FAM110B: variants seen among roughly 807,000 people sequenced by gnomAD.
The protein encoded by FAM110B is protein FAM110B.
A neutral mutation model predicts 20.4 loss-of-function variants in FAM110B; 6 were observed. The ratio of observed to expected loss-of-function variants is 0.29; its 90% confidence interval spans 0.16 to 0.58. FAM110B has a LOEUF of 0.58. Among genes scored for constraint, FAM110B ranks in the 20% least tolerant of loss-of-function variants. The pLI is 0.90. For synonymous variants in FAM110B, 226 were observed against 214.1 expected (o/e 1.06, Z -0.49); for missense variants, 434 against 498.2 (o/e 0.87, Z 1.23).
At chr8:58,083,734 G>A (rs1806263385) in intron 3 of FAM110B, among the ~76,000 whole-genome samples, 1 of 152,186 alleles carries the variant, frequency 6.6e-6, no homozygotes, top group African/African-American at 2.4e-5. Context: ...ATCATTTGCT[G>A]TTCCATTAAA....
chr8:58,113,460 T>G (rs963035316), intron 3 of FAM110B: 1 of 191,850 alleles, frequency 5.2e-6, no homozygotes, highest in Non-Finnish European at 1.1e-5. Context: ...CAGCCTGAAC[T>G]TCATCATCCT....
chr8:58,019,356 A>G (rs1032035491), intron 1 of FAM110B, among the ~76,000 whole-genome samples: 3 of 114,588 alleles, frequency 2.6e-5, no homozygotes, highest in African/African-American at 4.3e-5. Flanking sequence ...AAAAAAAAAA[A>G]AAAAGGAAAG....
chr8:58,008,628 G>T (rs1271199502), intron 1 of FAM110B, among the ~76,000 whole-genome samples: 1 of 152,184 alleles, frequency 6.6e-6, no homozygotes, highest in Non-Finnish European at 1.5e-5. Flanking sequence ...TTGAAAGTGT[G>T]TAATAAATTA....
At chr8:58,140,035 T>C (rs1360828356) in intron 3 of FAM110B, among the ~76,000 whole-genome samples, 1 of 152,164 alleles carries the variant, frequency 6.6e-6, no homozygotes, top group Non-Finnish European at 1.5e-5. Flanking sequence ...GCAGCAGGAA[T>C]GGACACAGTG....
intron 3 of FAM110B, among the ~76,000 whole-genome samples, chr8:58,145,455 CAA>C (rs994101793): frequency 1.3e-5 from 2 of 152,016 alleles, no homozygotes; most frequent in African/African-American, 4.8e-5. Context: ...TGCTTCATTG[CAA>C]AAGAGATAAT....
intron 2 of FAM110B, among the ~76,000 whole-genome samples, chr8:58,069,207 T>C (rs1304670507): frequency 6.6e-6 from 1 of 152,164 alleles, no homozygotes; most frequent in Non-Finnish European, 1.5e-5. Context: ...CTCTCTTGAG[T>C]GCTGTGATGC....
At chr8:58,143,689 G>C (rs1803792251) in intron 3 of FAM110B, among the ~76,000 whole-genome samples, 1 of 152,186 alleles carries the variant, frequency 6.6e-6, no homozygotes, top group Admixed American at 6.5e-5. Context: ...CGACAGTCAG[G>C]CTTTTTATTC....
At chr8:58,053,915 T>G (rs1263860058) in intron 2 of FAM110B, among the ~76,000 whole-genome samples, 2 of 152,208 alleles carry the variant, frequency 1.3e-5, no homozygotes, top group African/African-American at 4.8e-5. Context: ...ATTCTTAAAT[T>G]GGGAAGCCCC....
intron 3 of FAM110B, among the ~76,000 whole-genome samples, chr8:58,110,297 G>A (rs959629459): frequency 6.6e-6 from 1 of 152,046 alleles, no homozygotes; most frequent in Non-Finnish European, 1.5e-5. Flanking sequence ...TAAATGCTAT[G>A]ATTAGAAAAA....
At chr8:58,018,123 T>A (rs1804675773) in intron 1 of FAM110B, among the ~76,000 whole-genome samples, 1 of 152,168 alleles carries the variant, frequency 6.6e-6, no homozygotes, top group Non-Finnish European at 1.5e-5. Flanking sequence ...CTCAAACAAA[T>A]GTATTTAATT....
intron 3 of FAM110B, chr8:58,113,082 C>CA (rs1400425234): frequency 1.4e-5 from 2 of 138,630 alleles, no homozygotes; most frequent in Middle Eastern, 7.4e-3. Flanking sequence ...GCACCATTCC[C>CA]ATTCATGGGG....
At chr8:58,112,849 T>C (rs934383085) in intron 3 of FAM110B, among the ~76,000 whole-genome samples, 1 of 152,240 alleles carries the variant, frequency 6.6e-6, no homozygotes, top group Non-Finnish European at 1.5e-5. Flanking sequence ...ACTTAAGGAC[T>C]AAGGACTTAA....
chr8:58,116,293 G>A (rs765350546), intron 3 of FAM110B, among the ~76,000 whole-genome samples: 15 of 152,014 alleles, frequency 9.9e-5, no homozygotes, highest in Non-Finnish European at 1.5e-5. Flanking sequence ...CCTCTAACCC[G>A]TGAGTCTGAG....
intron 3 of FAM110B, among the ~76,000 whole-genome samples, chr8:58,080,063 A>G (rs1806150706): frequency 6.6e-6 from 1 of 152,196 alleles, no homozygotes; most frequent in South Asian, 2.1e-4. Flanking sequence ...GTATGTAGAT[A>G]TGGGATATAT....
chr8:58,045,454 C>T (rs777807347), intron 2 of FAM110B, among the ~76,000 whole-genome samples: 23 of 152,322 alleles, frequency 1.5e-4, no homozygotes, highest in Middle Eastern at 3.4e-3. Context: ...ACTGCATGCA[C>T]GCTCTGTGTA....
intron 3 of FAM110B, among the ~76,000 whole-genome samples, chr8:58,100,471 C>T (rs763734509): frequency 1.3e-5 from 2 of 152,204 alleles, no homozygotes; most frequent in Non-Finnish European, 2.9e-5. Flanking sequence ...TGTCTCACAG[C>T]GCTGGAGACT....
chr8:58,148,101 G>A lies in FAM110B; in HGVS notation c.*758G>A, dbSNP rs781297675. On this transcript the variant is annotated 3_prime_UTR_variant, in exon 4 of 4. Transcript: ENST00000519262. Reference sequence around the variant, plus strand: ...TCAGAAATTCCTAATATTATCTTTCGACAGAATGACCACCCTAAAACAAAT... The same window carrying A: ...TCAGAAATTCCTAATATTATCTTTCAACAGAATGACCACCCTAAAACAAAT... The A allele has an allele frequency of 1.9e-4, 30 of 160,830 alleles. No individual in the cohort carries two copies. The highest frequency in any genetic ancestry group is 2.5e-4 in the Non-Finnish European group (17 of 67,276). 10.0% of individuals were successfully genotyped at this position (160,830 alleles called of 1,614,324 possible).
intron 3 of FAM110B, among the ~76,000 whole-genome samples, chr8:58,079,971 T>C (rs1256333763): frequency 2.6e-5 from 4 of 152,216 alleles, no homozygotes; most frequent in Admixed American, 1.3e-4. Context: ...CCATGGACTG[T>C]AGAAGGACTG....
At chr8:58,010,823 A>G (rs1804519208) in intron 1 of FAM110B, among the ~76,000 whole-genome samples, 1 of 152,200 alleles carries the variant, frequency 6.6e-6, no homozygotes, top group Admixed American at 6.5e-5. Context: ...ATTATCTTTA[A>G]TTGTTCATAT....
Sources: allele counts gnomAD v4.1 joint callset (sites outside exome capture counted in the v4.1 genomes callset), GRCh38; gene constraint gnomAD v4.1.1; transcripts MANE v1.5; gene names NCBI Gene and HGNC (gene_info 2026-07-23, HGNC 2026-07-21).